APBB2: variants seen among roughly 807,000 people sequenced by gnomAD.
APBB2 encodes the protein amyloid beta precursor protein binding family B member 2, also known as Fe65-like 1.
In APBB2, 38 loss-of-function variants were observed where a neutral mutation model predicts 82.5. The ratio of observed to expected loss-of-function variants is 0.46; its 90% confidence interval spans 0.36 to 0.60. APBB2 has a LOEUF of 0.60. APBB2 is among the 20% of genes least tolerant of loss of function. The pLI is 0.00. For synonymous variants in APBB2, 341 were observed against 368.2 expected, an observed-to-expected ratio of 0.93 and a Z score of 0.85; for missense variants, 772 against 972.3, an observed-to-expected ratio of 0.79 and a Z score of 2.74.
intron 5 of APBB2, among the ~76,000 whole-genome samples, chr4:41,015,926 T>C (rs1455558594): frequency 6.6e-6 from 1 of 150,878 alleles, no homozygotes; most frequent in Non-Finnish European, 1.5e-5. Flanking sequence ...GACAATTAAA[T>C]TAAAAAAAAA....
intron 6 of APBB2, among the ~76,000 whole-genome samples, chr4:40,968,880 G>C (rs1392920032): frequency 6.6e-6 from 1 of 152,136 alleles, no homozygotes; most frequent in African/African-American, 2.4e-5. Flanking sequence ...TGTTCTGGGA[G>C]GGACCTGGTG....
chr4:41,018,308 G>T (rs1410097861), intron 5 of APBB2, among the ~76,000 whole-genome samples: 2 of 152,340 alleles, frequency 1.3e-5, no homozygotes, highest in Admixed American at 1.3e-4. Context: ...TTTCAGGCTT[G>T]CAGAAGAAAA....
rs1805669773 is a variant in APBB2 at position 41,003,033 on chromosome 4, C to T, written c.835+10550G>A. On this transcript the variant is annotated intron_variant, in intron 6 of 17. Transcript: ENST00000508593. ...AAGGAATAAAGCCATTTCCATATGC[C>T]AGCACCCCTCAACTATGCCACCCTC... Among the ~76,000 whole-genome samples the T allele has an allele frequency of 2.6e-5, 4 of 152,162 alleles. No homozygotes were observed. The South Asian group carries it at 8.3e-4, about 32-fold the overall frequency.
Position 40,946,254 on chromosome 4 carries a change from A to AAAC in APBB2, c.836-1182_836-1181insGTT, listed in dbSNP as rs1553875174. 5.5e-4 allele frequency among the ~76,000 whole-genome samples: 63 copies of AAAC among 114,578 alleles called. 4 individuals are homozygous for AAAC. Among genetic ancestry groups the AAAC allele is most frequent in the South Asian group, 8.9e-4 (3 of 3,366 alleles). 75.2% of individuals were successfully genotyped at this position (114,578 alleles called of 152,430 possible). On this transcript the variant is annotated intron_variant, in intron 6 of 17. Transcript: ENST00000508593. ...CTCCAAAAAAAAAAAAAAAAAAAAA[A>AAAC]CATTCCCAAGGAAAGCAGATTGGAA...
chr4:41,029,529 T>G (rs191016852), intron 5 of APBB2, among the ~76,000 whole-genome samples: 1 of 152,312 alleles, frequency 6.6e-6, no homozygotes, highest in Admixed American at 6.5e-5. Context: ...TAAACTTAAC[T>G]GCCTGAGGAC....
intron 10 of APBB2, among the ~76,000 whole-genome samples, chr4:40,900,701 C>T (rs552014173): frequency 6.6e-6 from 1 of 151,794 alleles, no homozygotes; most frequent in Non-Finnish European, 1.5e-5. Context: ...AAGTGATTCG[C>T]CCATCTGGGC....
intron 6 of APBB2, among the ~76,000 whole-genome samples, chr4:41,008,095 A>C (rs1308777722): frequency 6.6e-6 from 1 of 152,228 alleles, no homozygotes; most frequent in Non-Finnish European, 1.5e-5. Context: ...CCGGATTCTC[A>C]AGATACTACT....
intron 4 of APBB2, among the ~76,000 whole-genome samples, chr4:41,037,536 C>T (rs1008642799): frequency 6.6e-6 from 1 of 152,090 alleles, no homozygotes; most frequent in African/African-American, 2.4e-5. Flanking sequence ...TGCAGAATAA[C>T]ACAATCTTTG....
chr4:40,857,060 A>T, intron 12 of APBB2: 1 of 985,532 alleles, frequency 1.0e-6, no homozygotes, highest in Non-Finnish European at 1.2e-6. Flanking sequence ...TCGGGCGGGG[A>T]TGCCGCCCCA....
intron 1 of APBB2, chr4:41,208,001 C>T (rs921992552): frequency 6.6e-6 from 1 of 152,218 alleles, no homozygotes; most frequent in Non-Finnish European, 1.5e-5. Flanking sequence ...GTGATAAGAA[C>T]AGTGAAAACC....
intron 12 of APBB2, among the ~76,000 whole-genome samples, chr4:40,860,254 A>G (rs1309199216): frequency 6.6e-6 from 1 of 152,122 alleles, no homozygotes; most frequent in Non-Finnish European, 1.5e-5. Context: ...CTTGGGATAC[A>G]CTAGAGGGTC....
At chr4:40,878,685 C>T (rs1337249464) in intron 12 of APBB2, among the ~76,000 whole-genome samples, 1 of 152,138 alleles carries the variant, frequency 6.6e-6, no homozygotes, top group Non-Finnish European at 1.5e-5. Context: ...TTCTTAGTCT[C>T]CCCTCCCCCA....
At chr4:40,965,098 C>T (rs1232447479) in intron 6 of APBB2, among the ~76,000 whole-genome samples, 5 of 148,388 alleles carry the variant, frequency 3.4e-5, no homozygotes, top group South Asian at 2.1e-4. Flanking sequence ...CCAGCCAGGG[C>T]GACAGAGCAA....
At chr4:41,152,026 C>T (rs1209113661) in intron 1 of APBB2, among the ~76,000 whole-genome samples, 3 of 152,064 alleles carry the variant, frequency 2.0e-5, no homozygotes, top group Non-Finnish European at 4.4e-5. Context: ...CAACTACTTT[C>T]GTTTTTCTTC....
At chr4:40,898,088 G>A (rs1482063499) in intron 10 of APBB2, among the ~76,000 whole-genome samples, 1 of 152,074 alleles carries the variant, frequency 6.6e-6, no homozygotes, top group Non-Finnish European at 1.5e-5. Context: ...TTTCTGGCTG[G>A]TGACTTTGAG....
At chr4:40,885,615 A>G (rs534310981) in intron 12 of APBB2, among the ~76,000 whole-genome samples, 88 of 152,328 alleles carry the variant, frequency 5.8e-4, no homozygotes, top group African/African-American at 2.1e-3. Context: ...GTTGCCATTC[A>G]TTATGAAGAA....
At chr4:40,865,319 T>C (rs1474181132) in intron 12 of APBB2, among the ~76,000 whole-genome samples, 1 of 152,178 alleles carries the variant, frequency 6.6e-6, no homozygotes, top group Non-Finnish European at 1.5e-5. Flanking sequence ...ATGATTGTAA[T>C]TTGAGAAAAT....
intron 10 of APBB2, among the ~76,000 whole-genome samples, chr4:40,925,939 C>G (rs1326528716): frequency 6.6e-6 from 1 of 152,158 alleles, no homozygotes; most frequent in Non-Finnish European, 1.5e-5. Context: ...AACCTACTAC[C>G]CGATGGTTTG....
chr4:40,830,971 T>C (rs1310597737), intron 12 of APBB2, among the ~76,000 whole-genome samples: 3 of 152,108 alleles, frequency 2.0e-5, no homozygotes, highest in Non-Finnish European at 1.5e-5. Flanking sequence ...CAGTGGCATG[T>C]ATCTGCAGTT....
Sources: allele counts gnomAD v4.1 joint callset (sites outside exome capture counted in the v4.1 genomes callset), GRCh38; gene constraint gnomAD v4.1.1; transcripts MANE v1.5; gene names NCBI Gene and HGNC (gene_info 2026-07-23, HGNC 2026-07-21).